The following TJP1 variants were observed in gnomAD, a reference collection of about 807,000 sequenced individuals.
The protein encoded by TJP1 is tight junction protein 1.
In TJP1, 43 loss-of-function variants were observed where a neutral mutation model predicts 194.2. The ratio of observed to expected loss-of-function variants is 0.22; its 90% confidence interval spans 0.17 to 0.29. The LOEUF (loss-of-function observed/expected upper bound fraction) is 0.29, where lower values mean the gene tolerates loss of function less well. Among genes scored for constraint, TJP1 ranks in the 10% least tolerant of loss-of-function variants. The pLI is 1.00. For synonymous variants in TJP1, 801 were observed against 779.0 expected (o/e 1.03, Z -0.47); for missense variants, 1,971 against 2,185.7 (o/e 0.90, Z 1.96).
chr15:29,887,418 G>A (rs945168767), intron 2 of TJP1, among the ~76,000 whole-genome samples: 2 of 151,752 alleles, frequency 1.3e-5, no homozygotes, highest in African/African-American at 4.8e-5. Flanking sequence ...TCCTGCCTCA[G>A]CCTCCCGAAT....
chr15:29,885,572 A>G (rs1386401582), intron 2 of TJP1, among the ~76,000 whole-genome samples: 1 of 152,264 alleles, frequency 6.6e-6, no homozygotes, highest in African/African-American at 2.4e-5. Context: ...GCTTTAAAAA[A>G]CAAAGACACT....
chr15:29,795,106 T>C (rs1472974206), intron 2 of TJP1, among the ~76,000 whole-genome samples: 1 of 152,008 alleles, frequency 6.6e-6, no homozygotes, highest in Non-Finnish European at 1.5e-5. Flanking sequence ...ACAACTTACA[T>C]GATAAAGACA....
chr15:29,761,360 T>C, intron 7 of TJP1, 74 bp from the exon 8 acceptor site: 1 of 1,546,148 alleles, frequency 6.5e-7, no homozygotes, highest in Non-Finnish European at 8.8e-7. Context: ...CCAGTAATAA[T>C]GAAGATAAGC....
chr15:29,963,274 C>A (rs901368641), intron 1 of TJP1, among the ~76,000 whole-genome samples: 5 of 152,174 alleles, frequency 3.3e-5, no homozygotes, highest in African/African-American at 1.2e-4. Flanking sequence ...AATTACCAGT[C>A]ATTTTAGTAT....
chr15:29,719,243 G>T, intron 20 of TJP1, 105 bp from the exon 21 acceptor site: 1 of 1,300,246 alleles, frequency 7.7e-7, no homozygotes, highest in Admixed American at 2.6e-5. Flanking sequence ...TGTGAAAATG[G>T]TATGTTTTAC....
At chr15:29,711,557 C>T (rs1267516429) in intron 23 of TJP1, among the ~76,000 whole-genome samples, 1 of 152,082 alleles carries the variant, frequency 6.6e-6, no homozygotes, top group Middle Eastern at 3.4e-3. Context: ...GTAGAGATGG[C>T]GTTTCACCAC....
At chr15:29,875,478 G>A (rs765654953) in intron 2 of TJP1, among the ~76,000 whole-genome samples, 3 of 152,190 alleles carry the variant, frequency 2.0e-5, no homozygotes, top group Non-Finnish European at 2.9e-5. Flanking sequence ...GCAAGTGTCT[G>A]AGGACTAATT....
At chr15:29,944,341 C>T (rs1240662579) in intron 2 of TJP1, among the ~76,000 whole-genome samples, 3 of 151,880 alleles carry the variant, frequency 2.0e-5, no homozygotes, top group Non-Finnish European at 4.4e-5. Context: ...GTGATCCACC[C>T]GCCTTGGCCT....
chr15:29,812,168 A>C (rs1013890767), intron 1 of TJP1, among the ~76,000 whole-genome samples: 5 of 152,112 alleles, frequency 3.3e-5, no homozygotes, highest in Non-Finnish European at 7.4e-5. Flanking sequence ...ATATAAGTAA[A>C]ACTTAAGAGT....
chr15:29,841,227 C>T (rs939426435), intron 2 of TJP1, among the ~76,000 whole-genome samples: 1 of 152,300 alleles, frequency 6.6e-6, no homozygotes, highest in African/African-American at 2.4e-5. Context: ...CAAGCTGAAA[C>T]CCCGTGTCCT....
chr15:29,949,767 C>G (rs1438550762), intron 2 of TJP1, among the ~76,000 whole-genome samples: 2 of 105,966 alleles, frequency 1.9e-5, no homozygotes, highest in African/African-American at 6.6e-5. Flanking sequence ...ACCACCACTA[C>G]CTCCACCACC....
At chr15:29,790,250 G>A (rs534745561) in intron 2 of TJP1, among the ~76,000 whole-genome samples, 5 of 152,042 alleles carry the variant, frequency 3.3e-5, no homozygotes, top group African/African-American at 1.2e-4. Context: ...AATTTTATTC[G>A]GCATCATCTT....
At chr15:29,879,877 A>AT (rs983924552) in intron 2 of TJP1, among the ~76,000 whole-genome samples, 1 of 152,066 alleles carries the variant, frequency 6.6e-6, no homozygotes, top group African/African-American at 2.4e-5. Flanking sequence ...AGCCCAGCTA[A>AT]TTTTTTGTAT....
chr15:29,715,064 CTGTGA>C (rs2042480552), intron 23 of TJP1, among the ~76,000 whole-genome samples: 1 of 152,190 alleles, frequency 6.6e-6, no homozygotes, highest in Non-Finnish European at 1.5e-5. Flanking sequence ...TTAGATGTTA[CTGTGA>C]TAACTGTGTA....
intron 1 of TJP1, among the ~76,000 whole-genome samples, chr15:29,818,763 C>A (rs1423785566): frequency 1.3e-5 from 2 of 150,780 alleles, no homozygotes; most frequent in African/African-American, 4.9e-5. Context: ...TGATCCGCCC[C>A]TCCTGGCCTC....
chr15:29,713,510 A>C (rs1291315220), intron 23 of TJP1, among the ~76,000 whole-genome samples: 3 of 152,234 alleles, frequency 2.0e-5, no homozygotes, highest in Non-Finnish European at 4.4e-5. Context: ...AGTGAAGCAT[A>C]AGCACACATC....
At chr15:29,844,375 G>A (rs1039214478) in intron 2 of TJP1, among the ~76,000 whole-genome samples, 2 of 152,104 alleles carry the variant, frequency 1.3e-5, no homozygotes. Context: ...GGCCCACAGT[G>A]GCTGTTCTAA....
chr15:29,760,266 A>T, intron 8 of TJP1: 1 of 702,238 alleles, frequency 1.4e-6, no homozygotes, highest in Non-Finnish European at 2.6e-6. Flanking sequence ...TTCTGGAGAG[A>T]AGGATCATAA....
At chr15:29,797,494 C>T (rs1226229250) in intron 2 of TJP1, among the ~76,000 whole-genome samples, 4 of 150,092 alleles carry the variant, frequency 2.7e-5, no homozygotes, top group Non-Finnish European at 5.9e-5. Context: ...AAGACACTGT[C>T]ATTAAGAGAA....
Sources: gnomAD v4.1 joint callset for allele counts (sites outside exome capture counted in the v4.1 genomes callset) on GRCh38, gnomAD v4.1.1 for gene constraint, MANE v1.5 for transcripts, NCBI Gene and HGNC (gene_info 2026-07-23, HGNC 2026-07-21) for gene names.